MXD3: variants seen among roughly 807,000 people sequenced by gnomAD.
MXD3 encodes Max-associated protein 3.
Under a neutral mutation model 27.5 loss-of-function variants are expected in MXD3, and 20 were observed. That is an observed-to-expected ratio of 0.73 (90% CI 0.51 to 1.06). MXD3 has a LOEUF of 1.06. MXD3 is among the 50% of genes least tolerant of loss of function. MXD3 has a pLI of 0.00. For synonymous variants in MXD3, 150 were observed against 130.7 expected, an observed-to-expected ratio of 1.15 and a Z score of -1.01; for missense variants, 298 against 291.3, an observed-to-expected ratio of 1.02 and a Z score of -0.17.
In MXD3 at chr5:177,310,966, A is replaced by G. The variant is rs1761020096; in HGVS notation, c.177-269T>C. The G allele has an allele frequency of 8.5e-6, 5 of 590,326 alleles. No homozygotes were observed. In the South Asian group the frequency reaches 1.0e-4, roughly 12 times the overall value. 36.6% of individuals were successfully genotyped at this position (590,326 alleles called of 1,614,324 possible). ...GCCAGCTGGCCAGAAAGGACCTCCC[A>G]GAGGTGACAGCTAACTGCGGAAACA... On this transcript the variant is annotated intron_variant, in intron 2 of 5. Coordinates refer to ENST00000439742, the MANE Select transcript of MXD3 (RefSeq NM_031300.4).
rs1426847468 is a variant in MXD3 at position 177,311,747 on chromosome 5, G to T, written c.70+14C>A. Reference sequence around the variant, plus strand: ...AGGTCGCCGCCCGGAATTCAGCCAAGGGTCCTTCCTCACCTCTCTCACGGC... The same window carrying T: ...AGGTCGCCGCCCGGAATTCAGCCAATGGTCCTTCCTCACCTCTCTCACGGC... On this transcript the variant is annotated intron_variant, in intron 1 of 5. Transcript: ENST00000439742. 1 of 1,611,752 alleles carries T rather than the reference G, an allele frequency of 6.2e-7. No homozygotes were observed. The highest frequency in any genetic ancestry group is 2.2e-5 in the East Asian group (1 of 44,782).
At chr5:177,311,984 T>A (rs1024327020), upstream of MXD3, 3 of 1,301,416 alleles carry the variant, frequency 2.3e-6, no homozygotes, top group African/African-American at 3.1e-5. Flanking sequence ...AGCCCTTGGC[T>A]CCGCCCCTCT....
chr5:177,307,379 G>A lies in MXD3; in HGVS notation c.*209C>T, dbSNP rs372440446. ...GCCTGCCCTGCAGGGGTCCAGGGAG[G>A]TCCTGATGAGTCCTGCCCCTTCCCT... On this transcript the variant is annotated 3_prime_UTR_variant, in exon 6 of 6. Coordinates refer to ENST00000439742, the MANE Select transcript of MXD3 (RefSeq NM_031300.4). The A allele has an allele frequency of 1.3e-6, 2 of 1,487,806 alleles. No individual in the cohort carries two copies. Among genetic ancestry groups the A allele is most frequent in the East Asian group, 2.5e-5 (1 of 40,678 alleles). The allele number at this position is 1,487,806 out of a possible 1,614,324, so 92.2% of individuals were successfully genotyped here.
downstream of MXD3, chr5:177,306,113 C>T (rs1264134488): frequency 8.1e-6 from 13 of 1,613,426 alleles, no homozygotes; most frequent in South Asian, 3.3e-5. Flanking sequence ...TGGTCTTGCC[C>T]GATTCAAAAG....
downstream of MXD3, chr5:177,306,683 G>A (rs1050936178): frequency 2.1e-6 from 3 of 1,436,556 alleles, no homozygotes; most frequent in Non-Finnish European, 2.8e-6. Flanking sequence ...TGTCTACGTG[G>A]TGGGTTGTGG....
upstream of MXD3, chr5:177,312,328 A>G (rs909566490): frequency 1.0e-6 from 1 of 986,266 alleles, no homozygotes; most frequent in Non-Finnish European, 1.2e-6. Flanking sequence ...CCATTCGCAC[A>G]TGGCTTCTCA....
At chr5:177,312,202 A>C, upstream of MXD3, 1 of 1,015,164 alleles carries the variant, frequency 9.9e-7, no homozygotes. Flanking sequence ...GCCCCGTGCT[A>C]GTGACTAGCC....
downstream of MXD3, chr5:177,307,173 T>C (rs1439676691): frequency 1.9e-6 from 3 of 1,549,398 alleles, no homozygotes; most frequent in Non-Finnish European, 2.6e-6. Context: ...GGTTGGGAGT[T>C]CCCCCGTTTT....
At chr5:177,310,306 TA>T in intron 4 of MXD3, 119 bp downstream of exon 4, 1 of 704,114 alleles carries the variant, frequency 1.4e-6, no homozygotes, top group Non-Finnish European at 2.3e-6. Context: ...AGAGCTGTCC[TA>T]AGTCACACAG....
chr5:177,311,603 C>T, intron 1 of MXD3, 119 bp from the exon 2 acceptor site: 4 of 1,130,580 alleles, frequency 3.5e-6, no homozygotes, highest in Non-Finnish European at 4.9e-6. Flanking sequence ...CCCCACCCGT[C>T]CCTGCTCTAC....
In MXD3 at chr5:177,307,536, C is replaced by G. The variant is rs1760914158; in HGVS notation, c.*52G>C. On this transcript the variant is annotated 3_prime_UTR_variant, in exon 6 of 6. Coordinates refer to ENST00000439742, the MANE Select transcript of MXD3 (RefSeq NM_031300.4). ...AGGCTTGGGGAGGGCTCCTGCCTGG[C>G]AAGTGGGCCTGGCACGAGTAGAGGG... 6.3e-7 allele frequency: 1 copy of G among 1,593,472 alleles called. No individual in the cohort carries two copies. The highest frequency in any genetic ancestry group is 8.5e-7 in the Non-Finnish European group (1 of 1,171,940).
chr5:177,306,724 G>A (rs1278405139), downstream of MXD3: 46 of 1,169,994 alleles, frequency 3.9e-5, no homozygotes, highest in East Asian at 4.6e-4. Context: ...AGTACACCAA[G>A]CACATGATTC....
chr5:177,312,041 C>T (rs1406336468), upstream of MXD3: 4 of 1,246,628 alleles, frequency 3.2e-6, no homozygotes, highest in African/African-American at 4.8e-5. Flanking sequence ...GCCGCCCCGC[C>T]CCGAGTGGTC....
upstream of MXD3, chr5:177,312,547 G>C: frequency 1.0e-6 from 1 of 985,452 alleles, no homozygotes; most frequent in Non-Finnish European, 1.2e-6. Flanking sequence ...CGGCGGACCC[G>C]GCTCCTGCCC....
In MXD3 at chr5:177,307,342, C is replaced by G. The variant is rs575599284; in HGVS notation, c.*246G>C. 16 of 1,535,344 alleles carry G rather than the reference C, an allele frequency of 1.0e-5. No individual in the cohort carries two copies. Among genetic ancestry groups the G allele is most frequent in the Non-Finnish European group, 1.4e-5 (16 of 1,134,668 alleles). The stretch of plus-strand genomic sequence containing the variant: ...GGCAGCAGAGCCAAATGCTTGGGCT[C>G]GGGCCCAAGCTGCCTGCCCTGCAGG... On this transcript the variant is annotated 3_prime_UTR_variant, in exon 6 of 6. Coordinates refer to ENST00000439742, the MANE Select transcript of MXD3 (RefSeq NM_031300.4).
chr5:177,312,488 G>C, upstream of MXD3: 1 of 985,448 alleles, frequency 1.0e-6, no homozygotes, highest in Non-Finnish European at 1.2e-6. Flanking sequence ...GCGATGGGGC[G>C]GGGTTGAGAG....
intron 2 of MXD3, chr5:177,311,077 G>T: frequency 1.9e-6 from 1 of 535,770 alleles, no homozygotes; most frequent in Non-Finnish European, 3.3e-6. Context: ...GGAGAGAAGA[G>T]GAGGAAGCCA....
chr5:177,311,347 AC>A (rs899469533), intron 2 of MXD3, 31 bp downstream of exon 2: 29 of 794,156 alleles, frequency 3.7e-5, no homozygotes, highest in Non-Finnish European at 1.1e-5. Context: ...GCCCACCCCC[AC>A]CCCCACTCCC....
At chr5:177,308,611 A>G (rs111251222) in intron 4 of MXD3, among the ~76,000 whole-genome samples, 31,126 of 152,032 alleles carry the variant, frequency 0.2, 4,168 homozygotes, top group East Asian at 0.45. Flanking sequence ...GACCTCAGGT[A>G]ATCCGCCTGC....
Sources: gnomAD v4.1 joint callset for allele counts (sites outside exome capture counted in the v4.1 genomes callset) on GRCh38, gnomAD v4.1.1 for gene constraint, MANE v1.5 for transcripts, NCBI Gene and HGNC (gene_info 2026-07-23, HGNC 2026-07-21) for gene names.